RBPJL: variants seen among roughly 807,000 people sequenced by gnomAD.
The protein encoded by RBPJL is recombination signal binding protein for immunoglobulin kappa J region like, also known as recombining binding protein suppressor of hairless-like protein.
A neutral mutation model predicts 57.6 loss-of-function variants in RBPJL; 50 were observed. The ratio of observed to expected loss-of-function variants is 0.87; its 90% CI spans 0.69 to 1.10. RBPJL has a LOEUF of 1.10. RBPJL is among the 50% of genes least tolerant of loss of function. The pLI is 0.00. For synonymous variants in RBPJL, 303 were observed against 294.4 expected, an observed-to-expected ratio of 1.03 and a Z score of -0.30; for missense variants, 684 against 693.7, an observed-to-expected ratio of 0.99 and a Z score of 0.16.
At chr20:45,314,371 G>A (rs1284803613) in intron 8 of RBPJL, 42 bp from the exon 9 acceptor site, 26 of 1,595,194 alleles carry the variant, frequency 1.6e-5, no homozygotes, top group African/African-American at 6.7e-5. Context: ...CTGGACGCCC[G>A]GGCTCCTTGC....
rs369984005 is a variant in RBPJL at position 45,314,516 on chromosome 20, G to T, written c.971G>T (p.Gly324Val). Residue 324 changes from glycine to valine, a missense_variant, in exon 9 of 12, where the codon GGG becomes GTG. Gly to Val is a moderately radical substitution (Grantham distance 109). Coordinates refer to ENST00000343694, the MANE Select transcript of RBPJL (RefSeq NM_014276.4). ...CAGTTTCCAGGCAGTCCCCCAGGAG[G>T]GGGTGGCACCTACTTATGCCTTGCC... is the stretch of plus-strand genomic sequence containing the variant. ...AFQFPGSPPG[G>V]GGTYLCLATE... The T allele has an allele frequency of 2.5e-6, 4 of 1,614,184 alleles. No individual in the cohort carries two copies. The highest frequency in any genetic ancestry group is 1.1e-5 in the South Asian group (1 of 91,076).
At position 45,317,238 on chromosome 20, in the gene RBPJL, C is replaced by T. The variant is rs146222644; in HGVS notation, c.*279C>T. 363 of 522,538 alleles carry T rather than the reference C, an allele frequency of 6.9e-4. 2 individuals are homozygous for T. The Middle Eastern group carries it at 8.0e-3, about 12-fold the overall frequency. The allele number at this position is 522,538 out of a possible 1,614,324, so 32.4% of individuals were successfully genotyped here. On this transcript the variant is annotated 3_prime_UTR_variant, in exon 12 of 12. Coordinates refer to ENST00000343694, the MANE Select transcript of RBPJL (RefSeq NM_014276.4). ...CTTCTCACTCTGTCTCTAAACCTCTCTCTCTCTCCCTTCCCCCTCAGTACT... is the reference window on the plus strand; with the variant it reads ...CTTCTCACTCTGTCTCTAAACCTCTTTCTCTCTCCCTTCCCCCTCAGTACT...
rs1047543738 is a variant in RBPJL at position 45,313,899 on chromosome 20, T to C, written c.758-136T>C. Reference sequence around the variant, plus strand: ...CCTCTCCAGAATTAGAACCTTCAGTTGGCTCCCCTGAGTACCAAGCTTTCC... The same window carrying C: ...CCTCTCCAGAATTAGAACCTTCAGTCGGCTCCCCTGAGTACCAAGCTTTCC... On this transcript the variant is annotated intron_variant, in intron 7 of 11. Coordinates refer to ENST00000343694, the MANE Select transcript of RBPJL (RefSeq NM_014276.4). 10 of 729,122 alleles carry C rather than the reference T, an allele frequency of 1.4e-5. No homozygotes were observed. In the African/African-American group the frequency reaches 1.6e-4, roughly 12 times the overall value. 45.2% of individuals were successfully genotyped at this position (729,122 alleles called of 1,614,324 possible).
chr20:45,311,939 G>T lies in RBPJL; in HGVS notation c.429G>T (p.Gln143His). The change falls in exon 5 of 12, where the codon CAG (glutamine) becomes CAT (histidine). Residue 143 changes from glutamine (Q) to histidine (H), a missense_variant. Physicochemically the swap from Gln to His is conservative, Grantham distance 24. Coordinates refer to ENST00000343694, the MANE Select transcript of RBPJL (RefSeq NM_014276.4). Reference protein sequence around the residue: ...ATETQKLNFEQQPDSREFGCA... With the variant: ...ATETQKLNFEHQPDSREFGCA... ...AGACGCAGAAGCTGAATTTCGAGCAGCAGCCGGACTCCAGGGTGAGAGCGC... is the reference window on the plus strand; with the variant it reads ...AGACGCAGAAGCTGAATTTCGAGCATCAGCCGGACTCCAGGGTGAGAGCGC... 1 of 1,551,112 alleles carries T rather than the reference G, an allele frequency of 6.4e-7. No individual in the cohort carries two copies. Among genetic ancestry groups the T allele is most frequent in the East Asian group, 2.4e-5 (1 of 40,916 alleles).
chr20:45,312,924 C>CT (rs1246334431), intron 6 of RBPJL, among the ~76,000 whole-genome samples: 1 of 151,002 alleles, frequency 6.6e-6, no homozygotes, highest in Non-Finnish European at 1.5e-5. Flanking sequence ...CAGAAGATCA[C>CT]TTGAACCCAA....
chr20:45,314,515 G>T lies in RBPJL; in HGVS notation c.970G>T (p.Gly324Trp), dbSNP rs769988020. 6.2e-7 allele frequency: 1 copy of T among 1,614,058 alleles called. No homozygotes were observed. Among genetic ancestry groups the T allele is most frequent in the Non-Finnish European group, 8.5e-7 (1 of 1,180,010 alleles). The change falls in exon 9 of 12, where the codon GGG becomes TGG. Residue 324 changes from glycine to tryptophan, a missense_variant. Transcript: ENST00000343694. ...CCAGTTTCCAGGCAGTCCCCCAGGA[G>T]GGGGTGGCACCTACTTATGCCTTGC... ...AFQFPGSPPGGGGTYLCLATE... is the reference protein window; with the variant it reads ...AFQFPGSPPGWGGTYLCLATE...
At chr20:45,311,521 C>A in intron 3 of RBPJL, 68 bp from the exon 4 acceptor site, 1 of 1,472,200 alleles carries the variant, frequency 6.8e-7, no homozygotes, top group Non-Finnish European at 9.5e-7. Context: ...ATGCTACTAC[C>A]TTGCCGTGCT....
chr20:45,310,833 G>T (rs540537405), intron 3 of RBPJL, among the ~76,000 whole-genome samples: 4 of 152,004 alleles, frequency 2.6e-5, no homozygotes, highest in African/African-American at 9.6e-5. Flanking sequence ...AAACACTCTG[G>T]CCAGCCTGGT....
rs1568883674 is a variant in RBPJL at position 45,306,947 on chromosome 20, G to GTA, written c.22+3_22+4insTA. 54 of 1,254,776 alleles carry GTA rather than the reference G, an allele frequency of 4.3e-5. No individual in the cohort carries two copies. Among genetic ancestry groups the GTA allele is most frequent in the Non-Finnish European group, 5.2e-5 (52 of 991,560 alleles). 77.7% of individuals were successfully genotyped at this position (1,254,776 alleles called of 1,614,324 possible). A position where few individuals can be genotyped will look rare whatever the true frequency, so the allele number is the denominator to read the frequency against. On this transcript the variant is annotated splice_donor_region_variant and intron_variant, in intron 1 of 11. Coordinates refer to ENST00000343694, the MANE Select transcript of RBPJL (RefSeq NM_014276.4). ...CATGGACCCCGCAGGGGCAGCAGGT[G>GTA]AGCGCTTACCCTCCCGAGGCCCCGG...
rs1287467203 is a variant in RBPJL, at chr20:45,317,294, C to T, written c.*335C>T. On this transcript the variant is annotated 3_prime_UTR_variant, in exon 12 of 12. Coordinates refer to ENST00000343694, the MANE Select transcript of RBPJL (RefSeq NM_014276.4). ...TACAGACCTATGTGCGTGTCCCTAT[C>T]CTTCTGTCCTTTTCTCTCTTCAGCT... The T allele has an allele frequency of 3.0e-6, 1 of 334,752 alleles. No homozygotes were observed. The highest frequency in any genetic ancestry group is 5.1e-5 in the East Asian group (1 of 19,586). The allele number at this position is 334,752 out of a possible 1,614,324, so 20.7% of individuals were successfully genotyped here.
intron 6 of RBPJL, 40 bp downstream of exon 6, chr20:45,312,435 G>A (rs781484238): frequency 6.3e-7 from 1 of 1,589,494 alleles, no homozygotes; most frequent in African/African-American, 1.3e-5. Flanking sequence ...CGGGCGGGGA[G>A]GTGCAACCAA....
chr20:45,316,530 C>T lies in RBPJL; in HGVS notation c.1230C>T (p.His410=), dbSNP rs1370051691. The T allele has an allele frequency of 6.5e-7, 1 of 1,541,486 alleles. No homozygotes were observed. The highest frequency in any genetic ancestry group is 1.4e-5 in the African/African-American group (1 of 72,302). ...TGGAGCTCCACGGAGAGAACTTCCA[C>T]GCGGGGCTCAAGGTGTGGTTTGGGG... ...ATLELHGENF[H]AGLKVWFGDV... is the part of the protein sequence containing the mutation. Residue 410 remains histidine (H), a synonymous_variant, in exon 11 of 12, where the codon CAC becomes CAT. Transcript: ENST00000343694.
Position 45,316,483 on chromosome 20 carries a change from G to T in RBPJL, c.1183G>T (p.Gly395Cys). The change falls in exon 11 of 12, where the codon GGC (glycine) becomes TGC (cysteine). Residue 395 changes from glycine to cysteine, a missense_variant. Transcript: ENST00000343694. ...VPLISTLELSGGGDVATLELH... is the reference protein window; with the variant it reads ...VPLISTLELSCGGDVATLELH... ...TGGTCCCACCCTCCCCCAGCTGAGCGGCGGGGGCGACGTGGCCACGCTGGA... is the reference window on the plus strand; with the variant it reads ...TGGTCCCACCCTCCCCCAGCTGAGCTGCGGGGGCGACGTGGCCACGCTGGA... The T allele has an allele frequency of 6.5e-7, 1 of 1,547,432 alleles. No individual in the cohort carries two copies. Among genetic ancestry groups the T allele is most frequent in the South Asian group, 1.2e-5 (1 of 83,752 alleles).
intron 3 of RBPJL, among the ~76,000 whole-genome samples, 180 bp downstream of exon 3, chr20:45,309,872 A>G (rs895269717): frequency 4.6e-5 from 7 of 152,200 alleles, no homozygotes; most frequent in East Asian, 1.9e-4. Flanking sequence ...CTATAGTTCT[A>G]CAGCAGGAGA....
intron 4 of RBPJL, 81 bp from the exon 5 acceptor site, chr20:45,311,758 C>A: frequency 6.5e-7 from 1 of 1,544,900 alleles, no homozygotes; most frequent in Non-Finnish European, 8.8e-7. Flanking sequence ...TCTCCCCGCG[C>A]CCTCTGGCGG....
chr20:45,315,477 A>G (rs977861442), intron 9 of RBPJL, among the ~76,000 whole-genome samples: 1 of 152,126 alleles, frequency 6.6e-6, no homozygotes, highest in South Asian at 2.1e-4. Context: ...CCAATGGCTC[A>G]TGCCTGTAGT....
intron 9 of RBPJL, among the ~76,000 whole-genome samples, chr20:45,315,602 G>T (rs1349496579): frequency 6.6e-6 from 1 of 151,798 alleles, no homozygotes; most frequent in Admixed American, 6.6e-5. Flanking sequence ...TTATTTGGGC[G>T]TGGTGGCTGG....
chr20:45,309,644 G>A lies in RBPJL; in HGVS notation c.209G>A (p.Arg70Gln), dbSNP rs35032855. 5,542 of 1,613,722 alleles carry A rather than the reference G, an allele frequency of 3.4e-3. 62 individuals are homozygous for A. The African/African-American group carries it at 0.036, about 10-fold the overall frequency. The change falls in exon 3 of 12, where the codon CGG becomes CAG. Residue 70 changes from arginine (R) to glutamine (Q), a missense_variant. Coordinates refer to ENST00000343694, the MANE Select transcript of RBPJL (RefSeq NM_014276.4). The stretch of plus-strand genomic sequence containing the variant: ...CAGCAACAGTGTGAACAGACTGTGC[G>A]GATCCTGCATGCCAAGGTGGCCCAG... ...CLQQQCEQTV[R>Q]ILHAKVAQKS... is the part of the protein sequence containing the mutation.
intron 2 of RBPJL, 57 bp downstream of exon 2, chr20:45,308,308 C>A: frequency 8.4e-7 from 1 of 1,191,944 alleles, no homozygotes; most frequent in Non-Finnish European, 1.3e-6. Flanking sequence ...CTGGAGCACA[C>A]AGAGGCAACG....
Sources: gnomAD v4.1 joint callset for allele counts (sites outside exome capture counted in the v4.1 genomes callset) on GRCh38, gnomAD v4.1.1 for gene constraint, MANE v1.5 for transcripts, NCBI Gene and HGNC (gene_info 2026-07-23, HGNC 2026-07-21) for gene names.